Variants in NXPH2 observed in about 807,000 individuals in gnomAD.
NXPH2 encodes the protein neurexophilin 2, also known as neurexophilin-2.
Under a neutral mutation model 19.8 loss-of-function variants are expected in NXPH2, and 5 were observed. The observed-to-expected ratio is 0.25, with a 90% confidence interval of 0.13 to 0.53. NXPH2 has a LOEUF of 0.53. Among genes scored for constraint, NXPH2 ranks in the 20% least tolerant of loss-of-function variants. The pLI is 0.96. For missense variants in NXPH2, 289 were observed against 322.8 expected (o/e 0.90, Z 0.80); for synonymous variants, 154 against 127.4 (o/e 1.21, Z -1.41).
At chr2:138,760,029 G>A (rs189957072) in intron 1 of NXPH2, among the ~76,000 whole-genome samples, 3 of 152,116 alleles carry the variant, frequency 2.0e-5, no homozygotes, top group East Asian at 3.9e-4. Flanking sequence ...GAGCCCGGCC[G>A]CCACCCTTTT....
chr2:138,712,626 A>G (rs1000749462), intron 1 of NXPH2, among the ~76,000 whole-genome samples: 1 of 152,164 alleles, frequency 6.6e-6, no homozygotes, highest in African/African-American at 2.4e-5. Flanking sequence ...ATGTCTAAGT[A>G]TACCTGCTTG....
intron 1 of NXPH2, among the ~76,000 whole-genome samples, chr2:138,682,186 C>T (rs927044742): frequency 5.3e-5 from 8 of 152,152 alleles, no homozygotes. Context: ...ATCGGCATCC[C>T]ATTTGAATAT....
chr2:138,670,028 A>G lies in NXPH2; in HGVS notation c.*894T>C, dbSNP rs571231526. 8.5e-5 allele frequency among the ~76,000 whole-genome samples: 13 copies of G among 152,212 alleles called. No individual in the cohort carries two copies. The highest frequency in any genetic ancestry group is 1.8e-4 in the Non-Finnish European group (12 of 68,040). Reference sequence around the variant, plus strand: ...TTTGTTTTCTATTCTAGTCTAGGAAACAAGCACTTTCACTCAACTTCAGAG... The same window carrying G: ...TTTGTTTTCTATTCTAGTCTAGGAAGCAAGCACTTTCACTCAACTTCAGAG... On this transcript the variant is annotated 3_prime_UTR_variant, in exon 2 of 2. Transcript: ENST00000272641.
chr2:138,680,671 G>T (rs1680567241), intron 1 of NXPH2, among the ~76,000 whole-genome samples: 2 of 152,138 alleles, frequency 1.3e-5, no homozygotes, highest in African/African-American at 4.8e-5. Flanking sequence ...AGGGAACAGG[G>T]TAAGCAACAG....
intron 1 of NXPH2, among the ~76,000 whole-genome samples, chr2:138,729,025 C>T (rs984783216): frequency 3.3e-5 from 5 of 152,132 alleles, no homozygotes; most frequent in East Asian, 1.9e-4. Context: ...TCTTTTCATA[C>T]ATATTAGTCC....
intron 1 of NXPH2, among the ~76,000 whole-genome samples, chr2:138,704,883 G>A (rs1237743760): frequency 6.7e-6 from 1 of 150,242 alleles, no homozygotes; most frequent in East Asian, 2.0e-4. Context: ...GGAGTGCAAT[G>A]GCACAATCTT....
intron 1 of NXPH2, among the ~76,000 whole-genome samples, chr2:138,698,917 G>C (rs1680874672): frequency 6.6e-6 from 1 of 152,082 alleles, no homozygotes; most frequent in South Asian, 2.1e-4. Flanking sequence ...AATTGAAAAG[G>C]GTAATGAATT....
intron 1 of NXPH2, among the ~76,000 whole-genome samples, chr2:138,773,631 C>T (rs560642883): frequency 4.6e-5 from 7 of 151,828 alleles, no homozygotes; most frequent in East Asian, 1.9e-4. Flanking sequence ...CTGTTTTGGG[C>T]GAATAAATAT....
intron 1 of NXPH2, among the ~76,000 whole-genome samples, chr2:138,700,364 C>A (rs1229503321): frequency 6.6e-6 from 1 of 152,224 alleles, no homozygotes; most frequent in East Asian, 1.9e-4. Flanking sequence ...TTTCACCTAT[C>A]GACATCTGGT....
chr2:138,755,190 A>G (rs1216129690), intron 1 of NXPH2, among the ~76,000 whole-genome samples: 1 of 151,994 alleles, frequency 6.6e-6, no homozygotes, highest in Non-Finnish European at 1.5e-5. Context: ...AGAAGTTTTT[A>G]ATTACAATAA....
At chr2:138,719,390 G>A (rs1462973066) in intron 1 of NXPH2, among the ~76,000 whole-genome samples, 1 of 152,132 alleles carries the variant, frequency 6.6e-6, no homozygotes. Context: ...GGCGAAGAAA[G>A]GAGTCTTTCG....
At chr2:138,727,928 G>C (rs1369829066) in intron 1 of NXPH2, among the ~76,000 whole-genome samples, 1 of 152,158 alleles carries the variant, frequency 6.6e-6, no homozygotes, top group Non-Finnish European at 1.5e-5. Flanking sequence ...TTGGAGGCTT[G>C]AGGTTCTAGT....
chr2:138,750,915 G>A (rs1393227190), intron 1 of NXPH2, among the ~76,000 whole-genome samples: 4 of 152,034 alleles, frequency 2.6e-5, no homozygotes, highest in Non-Finnish European at 4.4e-5. Flanking sequence ...ATGTTTCCAT[G>A]TCTGGCTTCT....
rs1056635332 is a variant in NXPH2 at position 138,670,454 on chromosome 2, T to TA, written c.*467dup. Among the ~76,000 whole-genome samples, 1 of 151,768 alleles carries TA rather than the reference T, an allele frequency of 6.6e-6. No homozygotes were observed. On this transcript the variant is annotated 3_prime_UTR_variant, in exon 2 of 2. Transcript: ENST00000272641. Reference sequence around the variant, plus strand: ...ATGGATGGGGGAAAAGATAGAAATATAAAAAAAAGGGTCCAATGTCAAAAA... The same window carrying TA: ...ATGGATGGGGGAAAAGATAGAAATATAAAAAAAAAGGGTCCAATGTCAAAAA...
intron 1 of NXPH2, among the ~76,000 whole-genome samples, chr2:138,689,224 G>T (rs1680708268): frequency 2.0e-5 from 3 of 152,182 alleles, no homozygotes. Flanking sequence ...GAAGAGAAGA[G>T]CCATGCTTGA....
intron 1 of NXPH2, among the ~76,000 whole-genome samples, chr2:138,728,706 A>G (rs1681399009): frequency 1.3e-5 from 2 of 152,270 alleles, no homozygotes; most frequent in Admixed American, 1.3e-4. Flanking sequence ...ACATCAATGT[A>G]GATGCATTTA....
intron 1 of NXPH2, among the ~76,000 whole-genome samples, chr2:138,710,813 C>T (rs1314052529): frequency 6.6e-6 from 1 of 152,142 alleles, no homozygotes; most frequent in South Asian, 2.1e-4. Context: ...CCTGCTGAAG[C>T]AGCCCAACAC....
intron 1 of NXPH2, among the ~76,000 whole-genome samples, chr2:138,697,375 T>G (rs1042524558): frequency 6.6e-6 from 1 of 152,100 alleles, no homozygotes; most frequent in Non-Finnish European, 1.5e-5. Flanking sequence ...AAATAAATGA[T>G]GCCCAGAATT....
At chr2:138,748,051 C>T (rs902619930) in intron 1 of NXPH2, among the ~76,000 whole-genome samples, 3 of 152,192 alleles carry the variant, frequency 2.0e-5, no homozygotes, top group Non-Finnish European at 2.9e-5. Flanking sequence ...TAGAGTTGAG[C>T]TATGGGTCCC....
Sources: gnomAD v4.1 joint callset for allele counts (sites outside exome capture counted in the v4.1 genomes callset) on GRCh38, gnomAD v4.1.1 for gene constraint, MANE v1.5 for transcripts, NCBI Gene and HGNC (gene_info 2026-07-23, HGNC 2026-07-21) for gene names.